Variants in SCML4 observed in about 807,000 individuals in gnomAD.
The protein encoded by SCML4 is sex comb on midleg-like protein 4.
Under a neutral mutation model 41.1 loss-of-function variants are expected in SCML4, and 34 were observed. The ratio of observed to expected loss-of-function variants is 0.83; its 90% CI spans 0.63 to 1.10. SCML4 has a LOEUF of 1.10. Ranked by LOEUF, SCML4 falls within the 50% of genes least tolerant of loss-of-function variation. The pLI is 0.00. For synonymous variants in SCML4, 214 were observed against 220.9 expected (o/e 0.97, Z 0.28); for missense variants, 522 against 534.1 (o/e 0.98, Z 0.22).
At chr6:107,771,609 C>G (rs1287641094) in intron 2 of SCML4, among the ~76,000 whole-genome samples, 1 of 152,186 alleles carries the variant, frequency 6.6e-6, no homozygotes, top group African/African-American at 2.4e-5. Flanking sequence ...CTCCTTGTAG[C>G]CAAACTCGAC....
chr6:107,834,859 C>A, the SCML4 span, among the ~76,000 whole-genome samples: 1 of 150,916 alleles, frequency 6.6e-6, no homozygotes, highest in African/African-American at 2.4e-5. Context: ...GTGGGCAGAT[C>A]GCCAGGAGGT....
chr6:107,791,760 C>T lies in SCML4; in HGVS notation c.-59-19374G>A, dbSNP rs141086669. Among the ~76,000 whole-genome samples the T allele has an allele frequency of 4.6e-5, 7 of 152,178 alleles. No individual in the cohort carries two copies. The East Asian group carries it at 1.2e-3, about 25-fold the overall frequency. On this transcript the variant is annotated intron_variant, in intron 1 of 7. Coordinates refer to ENST00000369020, the MANE Select transcript of SCML4 (RefSeq NM_198081.5). ...CTTGAGCCCTGGAGTTCGGGACCAG[C>T]CTGGGCAACATGGCAAAACCCCATC...
chr6:107,824,559 GT>G (rs1375127357), upstream of SCML4, among the ~76,000 whole-genome samples: 9 of 150,490 alleles, frequency 6.0e-5, no homozygotes, highest in Non-Finnish European at 1.0e-4. Flanking sequence ...GAAATGTGCA[GT>G]GTAGCTTTTT....
intron 2 of SCML4, among the ~76,000 whole-genome samples, chr6:107,763,460 C>T (rs1370967535): frequency 6.6e-6 from 1 of 151,432 alleles, no homozygotes; most frequent in Non-Finnish European, 1.5e-5. Flanking sequence ...CATCCCGGCT[C>T]ACTGCAACCT....
chr6:107,812,306 G>A (rs1335807771), intron 1 of SCML4, among the ~76,000 whole-genome samples: 1 of 152,168 alleles, frequency 6.6e-6, no homozygotes, highest in African/African-American at 2.4e-5. Context: ...CAGATGAACT[G>A]AACAATACCA....
intron 1 of SCML4, among the ~76,000 whole-genome samples, chr6:107,813,981 T>C (rs1262834325): frequency 6.6e-6 from 1 of 152,194 alleles, no homozygotes; most frequent in Non-Finnish European, 1.5e-5. Flanking sequence ...CTCAGGGCAG[T>C]GGTGCCCAGG....
At chr6:107,782,388 T>C (rs941400032) in intron 1 of SCML4, among the ~76,000 whole-genome samples, 2 of 152,172 alleles carry the variant, frequency 1.3e-5, no homozygotes, top group Non-Finnish European at 2.9e-5. Flanking sequence ...CAAGGGAGCA[T>C]GAGAAGGGAG....
chr6:107,746,784 A>G lies in SCML4; in HGVS notation c.392T>C (p.Leu131Pro), dbSNP rs767543814. The change falls in exon 4 of 8, where the codon CTG becomes CCG. Residue 131 changes from leucine to proline, a missense_variant. Leu to Pro is a moderately conservative substitution (Grantham distance 98, BLOSUM62 -3). Coordinates refer to ENST00000369020, the MANE Select transcript of SCML4 (RefSeq NM_198081.5). ...GATGCAGGCTTGGACGGCCTGCTGC[A>G]GCACCGCCGATGGCCGCTCGGGCCC... ...HFGPERPSAVLQQAVQACIDC... is the reference protein window; with the variant it reads ...HFGPERPSAVPQQAVQACIDC... 1 of 1,613,672 alleles carries G rather than the reference A, an allele frequency of 6.2e-7. No homozygotes were observed. The highest frequency in any genetic ancestry group is 1.7e-5 in the Admixed American group (1 of 60,020).
chr6:107,730,753 A>T (rs1776457691), intron 5 of SCML4, among the ~76,000 whole-genome samples: 1 of 152,142 alleles, frequency 6.6e-6, no homozygotes, highest in African/African-American at 2.4e-5. Flanking sequence ...CTGCTTGTGG[A>T]CTATGGTTCC....
intron 1 of SCML4, among the ~76,000 whole-genome samples, chr6:107,780,874 A>C (rs1486487636): frequency 6.6e-6 from 1 of 152,154 alleles, no homozygotes; most frequent in African/African-American, 2.4e-5. Context: ...GAGGACAAAG[A>C]AGCAACTTGT....
chr6:107,755,503 C>A lies in SCML4; in HGVS notation c.157-5690G>T, dbSNP rs113432561. On this transcript the variant is annotated intron_variant, in intron 2 of 7. Transcript: ENST00000369020. ...GGAAAAGTCCTAAAAAAGAAGAGCA[C>A]GGATATGAGCCCACTGGCTAGAAGC... The A allele has an allele frequency of 9.6e-4, 627 of 654,684 alleles. 2 individuals carry two copies. The African/African-American group carries it at 0.012, about 12-fold the overall frequency. 40.6% of individuals were successfully genotyped at this position (654,684 alleles called of 1,614,324 possible). A position where few individuals can be genotyped will look rare whatever the true frequency, so the allele number is the denominator to read the frequency against.
chr6:107,764,018 C>T, intron 2 of SCML4, among the ~76,000 whole-genome samples: 1 of 152,200 alleles, frequency 6.6e-6, no homozygotes, highest in Non-Finnish European at 1.5e-5. Flanking sequence ...TTTCTTCATA[C>T]AAAACTCCCT....
chr6:107,782,131 C>A (rs574625531), intron 1 of SCML4, among the ~76,000 whole-genome samples: 1 of 152,144 alleles, frequency 6.6e-6, no homozygotes, highest in Non-Finnish European at 1.5e-5. Flanking sequence ...CACAGTGAAG[C>A]GGGAAAAACA....
intron 1 of SCML4, among the ~76,000 whole-genome samples, chr6:107,773,663 G>A (rs992463083): frequency 1.3e-5 from 2 of 150,184 alleles, no homozygotes; most frequent in Non-Finnish European, 3.0e-5. Context: ...AGAGGTAGTT[G>A]ATCAAACTTG....
intron 6 of SCML4, chr6:107,719,988 C>G: frequency 3.0e-6 from 3 of 985,478 alleles, no homozygotes; most frequent in Non-Finnish European, 3.6e-6. Context: ...CTTTTGTAGA[C>G]TGCATTCCAA....
intron 2 of SCML4, among the ~76,000 whole-genome samples, chr6:107,761,459 C>G (rs1779586305): frequency 6.7e-6 from 1 of 148,952 alleles, no homozygotes; most frequent in Admixed American, 6.7e-5. Context: ...TTTTTTTAGA[C>G]AGAGTCTTGC....
intron 1 of SCML4, among the ~76,000 whole-genome samples, chr6:107,778,208 AAAAAAAAAAAAAAAATATATATAT>A (rs1427971814): frequency 1.4e-5 from 1 of 71,250 alleles, no homozygotes; most frequent in Admixed American, 1.6e-4. Context: ...AAAAAAAAAA[AAAAAAAAAAAAAAAATATATATAT>A]ATATATATAT....
chr6:107,802,583 GAA>G (rs1783237902), intron 1 of SCML4, among the ~76,000 whole-genome samples: 1 of 98,802 alleles, frequency 1.0e-5, no homozygotes, highest in African/African-American at 4.7e-5. Context: ...AGGGAGGGAG[GAA>G]GGAAGGAAGG....
intron 6 of SCML4, 132 bp from the exon 7 acceptor site, chr6:107,708,143 G>C (rs1429640651): frequency 3.9e-6 from 4 of 1,026,834 alleles, no homozygotes; most frequent in Non-Finnish European, 5.6e-6. Context: ...TGGCCCAAGT[G>C]ACCTCCTGTC....
Sources: allele counts gnomAD v4.1 joint callset (sites outside exome capture counted in the v4.1 genomes callset), GRCh38; gene constraint gnomAD v4.1.1; transcripts MANE v1.5; gene names NCBI Gene and HGNC (gene_info 2026-07-23, HGNC 2026-07-21).